KDM6A: variants seen among roughly 807,000 people sequenced by gnomAD.
The protein encoded by KDM6A is lysine-specific demethylase 6A.
KDM6A carries 11 observed loss-of-function variants against 117.6 expected under a neutral mutation model. The ratio of observed to expected loss-of-function variants is 0.09; its 90% CI spans 0.06 to 0.15. The LOEUF (loss-of-function observed/expected upper bound fraction) is 0.15. KDM6A is among the 10% of genes least tolerant of loss of function. KDM6A has a pLI of 1.00. For synonymous variants in KDM6A, 384 were observed against 396.1 expected, an observed-to-expected ratio of 0.97 and a Z score of 0.36; for missense variants, 799 against 1,077.3, an observed-to-expected ratio of 0.74 and a Z score of 3.62.
At chrX:45,073,332 T>TA (rs1204152999) in intron 18 of KDM6A, among the ~76,000 whole-genome samples, 2 of 111,789 alleles carry the variant, frequency 1.8e-5, no homozygotes, top group African/African-American at 6.5e-5. Flanking sequence ...ACAATAAACA[T>TA]ACGTGTGCGT....
intron 8 of KDM6A, among the ~76,000 whole-genome samples, chrX:45,041,186 TCCC>T (rs1239555387): frequency 5.6e-4 from 13 of 23,136 alleles, no homozygotes; most frequent in African/African-American, 2.9e-3. Flanking sequence ...GACCCCCCCC[TCCC>T]CCCTCCCGGA....
intron 8 of KDM6A, among the ~76,000 whole-genome samples, chrX:45,045,335 C>G (rs946887273): frequency 9.0e-6 from 1 of 110,760 alleles, no homozygotes; most frequent in African/African-American, 3.3e-5. Flanking sequence ...TGCCTGTAAT[C>G]CCAACACTTT....
intron 19 of KDM6A, among the ~76,000 whole-genome samples, chrX:45,077,833 C>T (rs2045204269): frequency 9.0e-6 from 1 of 111,242 alleles, no homozygotes; most frequent in Non-Finnish European, 1.9e-5. Context: ...GTGTGCAGTT[C>T]AGTACTGTTA....
intron 17 of KDM6A, among the ~76,000 whole-genome samples, chrX:45,067,653 G>GTTTTTTTTTTTTT (rs1192862756): frequency 2.4e-5 from 2 of 83,303 alleles, no homozygotes; most frequent in Non-Finnish European, 4.7e-5. Flanking sequence ...TCTTTTTTTT[G>GTTTTTTTTTTTTT]TTTTTTTTTT....
At chrX:44,963,335 T>C (rs1202090202) in intron 3 of KDM6A, among the ~76,000 whole-genome samples, 1 of 109,155 alleles carries the variant, frequency 9.2e-6, no homozygotes, top group Admixed American at 9.8e-5. Flanking sequence ...GGCATGCACC[T>C]ACCCTGGAGG....
chrX:45,088,437 C>T (rs1023716591), intron 25 of KDM6A, among the ~76,000 whole-genome samples: 4 of 113,358 alleles, frequency 3.5e-5, no homozygotes, highest in African/African-American at 1.3e-4. Flanking sequence ...GTCATTATAG[C>T]ACAGACACAG....
rs2045472846 is a variant in KDM6A, at chrX:45,082,763, C to T, written c.3414C>T (p.Thr1138=). 1 of 1,195,702 alleles carries T rather than the reference C, an allele frequency of 8.4e-7. No homozygotes were observed. The highest frequency in any genetic ancestry group is 1.1e-6 in the Non-Finnish European group (1 of 881,768). The part of the protein sequence containing the change: ...KGPFKTIKFG[T]NIDLSDDKKW... ...CCTTTAAAACCATAAAGTTTGGGAC[C>T]AATATTGACCTATCTGATGACAAAA... Residue 1138 remains threonine, a synonymous_variant, in exon 23 of 30, where the codon ACC becomes ACT. Coordinates refer to ENST00000611820, the MANE Select transcript of KDM6A (RefSeq NM_001291415.2).
Position 44,979,988 on chromosome X carries a change from T to G in KDM6A, c.384+5273T>G, listed in dbSNP as rs765920215. 7.4e-5 allele frequency among the ~76,000 whole-genome samples: 7 copies of G among 94,407 alleles called. No individual in the cohort carries two copies. In the East Asian group the frequency reaches 2.0e-3, roughly 26 times the overall value. The allele number at this position is 94,407 out of a possible 115,157, so 82.0% of individuals were successfully genotyped here. ...AAGTTCCCTGTATTATTTTTTTCTTTCTTTCTTTCCTTTTTTTTTTTTTTT... is the reference window on the plus strand; with the variant it reads ...AAGTTCCCTGTATTATTTTTTTCTTGCTTTCTTTCCTTTTTTTTTTTTTTT... On this transcript the variant is annotated intron_variant, in intron 4 of 29. Coordinates refer to ENST00000611820, the MANE Select transcript of KDM6A (RefSeq NM_001291415.2).
chrX:44,977,049 TAA>T (rs775478714), intron 4 of KDM6A, among the ~76,000 whole-genome samples: 2 of 111,540 alleles, frequency 1.8e-5, no homozygotes, highest in South Asian at 7.5e-4. Context: ...GGGTAGAAAA[TAA>T]AGTTTTAAAC....
intron 6 of KDM6A, among the ~76,000 whole-genome samples, chrX:45,033,823 G>A (rs1440863079): frequency 9.0e-6 from 1 of 110,662 alleles, no homozygotes; most frequent in African/African-American, 3.3e-5. Flanking sequence ...AAAGTGCTGG[G>A]ATTACAGTCG....
rs776846116 is a variant in KDM6A at position 45,012,058 on chromosome X, A to T, written c.443+1039A>T. 6.0e-4 allele frequency among the ~76,000 whole-genome samples: 66 copies of T among 110,774 alleles called. No homozygotes were observed. The South Asian group carries it at 9.5e-3, about 16-fold the overall frequency. ...CACCTCAGCCTCCCAAAGTGCTGAG[A>T]TTTACAGGCATGAGCCCCCACGCTG... On this transcript the variant is annotated intron_variant, in intron 5 of 29. Coordinates refer to ENST00000611820, the MANE Select transcript of KDM6A (RefSeq NM_001291415.2).
chrX:45,003,233 C>T (rs751919459), intron 4 of KDM6A, among the ~76,000 whole-genome samples: 4 of 109,756 alleles, frequency 3.6e-5, no homozygotes, highest in African/African-American at 1.3e-4. Flanking sequence ...TGTCTTTTTC[C>T]GTCAATCACC....
chrX:44,899,381 A>G (rs2034179829), intron 2 of KDM6A, among the ~76,000 whole-genome samples: 1 of 105,982 alleles, frequency 9.4e-6, no homozygotes, highest in South Asian at 4.2e-4. Context: ...TAGATTAGCT[A>G]TATGCCCGGC....
In KDM6A at chrX:44,988,053, C is replaced by T. The variant is rs777051536; in HGVS notation, c.384+13338C>T. ...GTCACTTTCAGGTACACCAATCAGACGTAGATTTGGTCTTTTCACGTAGTC... is the reference window on the plus strand; with the variant it reads ...GTCACTTTCAGGTACACCAATCAGATGTAGATTTGGTCTTTTCACGTAGTC... On this transcript the variant is annotated intron_variant, in intron 4 of 29. Coordinates refer to ENST00000611820, the MANE Select transcript of KDM6A (RefSeq NM_001291415.2). 3.5e-3 allele frequency among the ~76,000 whole-genome samples: 395 copies of T among 112,034 alleles called. 3 individuals are homozygous for T. The highest frequency in any genetic ancestry group is 0.012 in the African/African-American group (377 of 30,790).
chrX:44,963,320 A>G (rs1238422928), intron 3 of KDM6A, among the ~76,000 whole-genome samples: 7 of 109,648 alleles, frequency 6.4e-5, no homozygotes, highest in Non-Finnish European at 7.6e-5. Flanking sequence ...TTAGCTGAGT[A>G]TGGTGGCATG....
intron 6 of KDM6A, among the ~76,000 whole-genome samples, chrX:45,029,685 A>G (rs59889902): frequency 0.037 from 4,155 of 110,999 alleles, 211 homozygotes; most frequent in African/African-American, 0.13. Context: ...TTTATAAAAC[A>G]TCATATTCAC....
chrX:44,948,219 A>G (rs1247068820), intron 2 of KDM6A, among the ~76,000 whole-genome samples: 1 of 111,877 alleles, frequency 8.9e-6, no homozygotes, highest in Non-Finnish European at 1.9e-5. Flanking sequence ...ATTGGTACAT[A>G]TACAAGGGCT....
chrX:44,995,140 A>G (rs2040803884), intron 4 of KDM6A, among the ~76,000 whole-genome samples: 1 of 111,426 alleles, frequency 9.0e-6, no homozygotes, highest in Non-Finnish European at 1.9e-5. Context: ...TTACTAAGAA[A>G]GAATCCCCAG....
rs1397427709 is a variant in KDM6A, at chrX:45,042,301, GAGAGGGA to G, written c.654+4613_654+4619del. ...AGGGGAGAGGGGAGAGGGGAGAGGGGAGAGGGAGAGTCATTTGATAAATTTTAATACT... is the reference window on the plus strand; with the variant it reads ...AGGGGAGAGGGGAGAGGGGAGAGGGGGAGTCATTTGATAAATTTTAATACT... On this transcript the variant is annotated intron_variant, in intron 8 of 29. Transcript: ENST00000611820. 3.9e-4 allele frequency among the ~76,000 whole-genome samples: 27 copies of G among 69,611 alleles called. 4 individuals are homozygous for G. In the East Asian group the frequency reaches 8.3e-3, roughly 21 times the overall value. 60.4% of individuals were successfully genotyped at this position (69,611 alleles called of 115,157 possible). A position where few individuals can be genotyped will look rare whatever the true frequency, so the allele number is the denominator to read the frequency against.
Sources: gnomAD v4.1 joint callset for allele counts (sites outside exome capture counted in the v4.1 genomes callset) on GRCh38, gnomAD v4.1.1 for gene constraint, MANE v1.5 for transcripts, NCBI Gene and HGNC (gene_info 2026-07-23, HGNC 2026-07-21) for gene names.